EXT1: variants seen among roughly 807,000 people sequenced by gnomAD.
The protein encoded by EXT1 is exostosin-1.
EXT1 carries 20 observed loss-of-function variants against 82.5 expected under a neutral mutation model. The ratio of observed to expected loss-of-function variants is 0.24; its 90% CI spans 0.17 to 0.35. The LOEUF is 0.35. Ranked by LOEUF, EXT1 falls within the 10% of genes least tolerant of loss-of-function variation. EXT1 has a pLI of 1.00. For synonymous variants in EXT1, 348 were observed against 350.8 expected, an observed-to-expected ratio of 0.99 and a Z score of 0.09; for missense variants, 757 against 936.5, an observed-to-expected ratio of 0.81 and a Z score of 2.50.
chr8:117,882,362 C>T (rs1194424451), intron 1 of EXT1, among the ~76,000 whole-genome samples: 5 of 152,130 alleles, frequency 3.3e-5, no homozygotes, highest in South Asian at 2.1e-4. Context: ...GGATTACAGT[C>T]GTGAGCCATC....
chr8:118,062,172 C>A (rs1032059350), intron 1 of EXT1, among the ~76,000 whole-genome samples: 14 of 152,184 alleles, frequency 9.2e-5, no homozygotes, highest in Non-Finnish European at 2.1e-4. Flanking sequence ...ATGGTTTCTG[C>A]CTCTCAGCAG....
At chr8:117,879,780 C>T (rs566373031) in intron 1 of EXT1, among the ~76,000 whole-genome samples, 1 of 152,280 alleles carries the variant, frequency 6.6e-6, no homozygotes, top group East Asian at 1.9e-4. Flanking sequence ...AGATCAGTCT[C>T]TGGTCACTCC....
chr8:117,961,522 A>G (rs1814699451), intron 1 of EXT1, among the ~76,000 whole-genome samples: 1 of 152,238 alleles, frequency 6.6e-6, no homozygotes. Context: ...ATATTAGGGG[A>G]TAAGTTGACA....
intron 1 of EXT1, among the ~76,000 whole-genome samples, chr8:117,923,560 A>C (rs1450947697): frequency 6.6e-6 from 1 of 151,040 alleles, no homozygotes; most frequent in Non-Finnish European, 1.5e-5. Flanking sequence ...TACTAAAAAA[A>C]AAAAAAATAC....
At chr8:117,943,264 T>C (rs1342251413) in intron 1 of EXT1, among the ~76,000 whole-genome samples, 1 of 152,182 alleles carries the variant, frequency 6.6e-6, no homozygotes, top group Non-Finnish European at 1.5e-5. Context: ...TACAAACTGC[T>C]AGTAAGAAAA....
At chr8:117,808,440 A>G (rs1823267867) in intron 8 of EXT1, among the ~76,000 whole-genome samples, 1 of 152,212 alleles carries the variant, frequency 6.6e-6, no homozygotes, top group South Asian at 2.1e-4. Context: ...GGCAGAGCCA[A>G]GATTCAAACT....
chr8:118,094,433 A>G (rs1220140026), intron 1 of EXT1, among the ~76,000 whole-genome samples: 1 of 152,244 alleles, frequency 6.6e-6, no homozygotes, highest in African/African-American at 2.4e-5. Flanking sequence ...AAACAGGTCA[A>G]ATGAAAGAAA....
intron 8 of EXT1, 108 bp from the exon 9 acceptor site, chr8:117,807,485 G>C: frequency 8.0e-7 from 1 of 1,245,356 alleles, no homozygotes; most frequent in Non-Finnish European, 1.1e-6. Context: ...GGACTGTGGC[G>C]AAACATTAAT....
chr8:117,883,429 A>T (rs1377080350), intron 1 of EXT1, among the ~76,000 whole-genome samples: 1 of 152,240 alleles, frequency 6.6e-6, no homozygotes, highest in Non-Finnish European at 1.5e-5. Flanking sequence ...CCATCCGACA[A>T]GGCTTATCCT....
intron 1 of EXT1, among the ~76,000 whole-genome samples, chr8:117,933,090 T>C (rs1295631790): frequency 1.3e-5 from 2 of 152,200 alleles, no homozygotes; most frequent in Non-Finnish European, 2.9e-5. Context: ...CTCCCAAGAC[T>C]GGCTCTATGC....
intron 1 of EXT1, among the ~76,000 whole-genome samples, chr8:117,897,591 C>CTTTTTTTTTTTTTTTTTTTTTTTTTT (rs34963536): frequency 6.6e-5 from 6 of 90,656 alleles, no homozygotes; most frequent in African/African-American, 2.6e-4. Flanking sequence ...CTTCTTTTCT[C>CTTTTTTTTTTTTTTTTTTTTTTTTTT]TTTTTTTTTT....
At chr8:117,819,583 C>G (rs557073447) in intron 6 of EXT1, 93 bp downstream of exon 6, 2 of 909,984 alleles carry the variant, frequency 2.2e-6, no homozygotes, top group Non-Finnish European at 3.4e-6. Context: ...TCCCGGGGAG[C>G]CTGGGGAGCC....
At chr8:118,021,075 G>C (rs1324654865) in intron 1 of EXT1, among the ~76,000 whole-genome samples, 1 of 152,176 alleles carries the variant, frequency 6.6e-6, no homozygotes, top group African/African-American at 2.4e-5. Flanking sequence ...TTCAGTTAGA[G>C]TCAGTGGGAA....
At chr8:117,921,050 C>T (rs1438177431) in intron 1 of EXT1, among the ~76,000 whole-genome samples, 1 of 152,154 alleles carries the variant, frequency 6.6e-6, no homozygotes, top group Non-Finnish European at 1.5e-5. Context: ...TGTTTTGCAT[C>T]GAAAGGGTGG....
chr8:117,864,508 G>T (rs1812739041), intron 1 of EXT1, among the ~76,000 whole-genome samples: 1 of 152,194 alleles, frequency 6.6e-6, no homozygotes, highest in Non-Finnish European at 1.5e-5. Context: ...CCAGCACTTT[G>T]GGAGGCCGAG....
intron 1 of EXT1, among the ~76,000 whole-genome samples, chr8:117,852,394 T>A (rs554775646): frequency 6.6e-6 from 1 of 152,180 alleles, no homozygotes; most frequent in South Asian, 2.1e-4. Context: ...GAATAAGAGA[T>A]AACATCTTTC....
Position 117,973,800 on chromosome 8 carries a change from AGAAAGGAAAGGAAAGGAAAG to A in EXT1, c.962+136265_962+136284del, listed in dbSNP as rs1211158489. Among the ~76,000 whole-genome samples, 112 of 43,360 alleles carry A rather than the reference AGAAAGGAAAGGAAAGGAAAG, an allele frequency of 2.6e-3. 1 individual carries two copies. The highest frequency in any genetic ancestry group is 0.013 in the East Asian group (26 of 1,936). The allele number at this position is 43,360 out of a possible 152,430, so 28.4% of individuals were successfully genotyped here. A position where few individuals can be genotyped will look rare whatever the true frequency, so the allele number is the denominator to read the frequency against. On this transcript the variant is annotated intron_variant, in intron 1 of 10. Transcript: ENST00000378204. ...AAGAAGAGATGAAAGAAAAGAAAAG[AGAAAGGAAAGGAAAGGAAAG>A]GAAAGGAAAGGAAAGGAAAGGAAAG...
intron 1 of EXT1, among the ~76,000 whole-genome samples, chr8:118,014,042 G>A (rs926880384): frequency 3.3e-5 from 5 of 152,180 alleles, no homozygotes; most frequent in African/African-American, 1.2e-4. Context: ...GTAAATGGCA[G>A]TGATAACACC....
chr8:118,050,311 C>T (rs1280733994), intron 1 of EXT1, among the ~76,000 whole-genome samples: 1 of 152,218 alleles, frequency 6.6e-6, no homozygotes, highest in Non-Finnish European at 1.5e-5. Flanking sequence ...GCATGCTATA[C>T]ATGTATAGAT....
Sources: gnomAD v4.1 joint callset for allele counts (sites outside exome capture counted in the v4.1 genomes callset) on GRCh38, gnomAD v4.1.1 for gene constraint, MANE v1.5 for transcripts, NCBI Gene and HGNC (gene_info 2026-07-23, HGNC 2026-07-21) for gene names.